Variants in LGR4 observed in about 807,000 individuals in gnomAD.
The protein encoded by LGR4 is leucine-rich repeat-containing G protein-coupled receptor 4.
Under a neutral mutation model 84.8 loss-of-function variants are expected in LGR4, and 44 were observed. That is an observed-to-expected ratio of 0.52 (90% CI 0.41 to 0.67). The LOEUF (loss-of-function observed/expected upper bound fraction) is 0.67. Ranked by LOEUF, LGR4 falls within the 30% of genes least tolerant of loss-of-function variation. LGR4 has a pLI of 0.00. For missense variants in LGR4, 1,032 were observed against 1,131.4 expected, an observed-to-expected ratio of 0.91 and a Z score of 1.26; for synonymous variants, 429 against 434.3, an observed-to-expected ratio of 0.99 and a Z score of 0.15.
At position 27,472,085 on chromosome 11, in the gene LGR4, C is replaced by A. The variant is rs1344686303; in HGVS notation, c.185+33G>T. ...GCCCCCCGCTGGGCCCCGTTTCCTCCCCCCCCCTCGCGTCCCCGCCGCCCG... is the reference window on the plus strand; with the variant it reads ...GCCCCCCGCTGGGCCCCGTTTCCTCACCCCCCCTCGCGTCCCCGCCGCCCG... On this transcript the variant is annotated intron_variant, in intron 1 of 17. Transcript: ENST00000379214. 333 of 1,101,854 alleles carry A rather than the reference C, an allele frequency of 3.0e-4. 8 individuals carry two copies. The highest frequency in any genetic ancestry group is 2.2e-3 in the Admixed American group (26 of 12,062). The allele number at this position is 1,101,854 out of a possible 1,614,324, so 68.3% of individuals were successfully genotyped here.
chr11:27,448,476 G>A (rs747386186), intron 1 of LGR4, among the ~76,000 whole-genome samples: 1 of 151,916 alleles, frequency 6.6e-6, no homozygotes, highest in Non-Finnish European at 1.5e-5. Context: ...ATTTTTAGTA[G>A]ACATGGGGTT....
chr11:27,376,872 G>A (rs1161141694), intron 12 of LGR4, among the ~76,000 whole-genome samples: 1 of 152,120 alleles, frequency 6.6e-6, no homozygotes, highest in Non-Finnish European at 1.5e-5. Flanking sequence ...ATTCATGTCT[G>A]GTTTCCCTCA....
At chr11:27,379,149 C>T (rs1199558377) in intron 10 of LGR4, 1 of 201,910 alleles carries the variant, frequency 5.0e-6, no homozygotes, top group Non-Finnish European at 9.8e-6. Flanking sequence ...TCTTTTCTTT[C>T]AGTCAAACTG....
intron 1 of LGR4, among the ~76,000 whole-genome samples, chr11:27,462,112 C>T (rs1451659828): frequency 1.3e-5 from 2 of 151,992 alleles, no homozygotes; most frequent in African/African-American, 2.4e-5. Flanking sequence ...GGATTACAAG[C>T]GTGAGCCACA....
chr11:27,368,755 G>A lies in LGR4; in HGVS notation c.1968C>T (p.Ser656=), dbSNP rs775999551. Residue 656 remains serine (S), a synonymous_variant, in exon 18 of 18, where the codon AGC becomes AGT. Coordinates refer to ENST00000379214, the MANE Select transcript of LGR4 (RefSeq NM_018490.5). ...CAACCCGGAACTGTTTGAGATGATT[G>A]CTCTTCCCATTTTTCATTATATCTT... ...SAKDIMKNGK[S]NHLKQFRVAA... 2.5e-6 allele frequency: 4 copies of A among 1,613,946 alleles called. No individual in the cohort carries two copies. Among genetic ancestry groups the A allele is most frequent in the Non-Finnish European group, 3.4e-6 (4 of 1,179,954 alleles).
intron 13 of LGR4, among the ~76,000 whole-genome samples, chr11:27,375,510 G>A (rs1862960328): frequency 6.6e-6 from 1 of 152,070 alleles, no homozygotes; most frequent in Admixed American, 6.6e-5. Context: ...AACTCTATTT[G>A]TCATGATAGA....
At chr11:27,395,442 G>A (rs906908168) in intron 2 of LGR4, among the ~76,000 whole-genome samples, 4 of 152,100 alleles carry the variant, frequency 2.6e-5, no homozygotes, top group Non-Finnish European at 4.4e-5. Context: ...AAGAGTGTTT[G>A]ACCACATTAG....
chr11:27,369,225 A>G, intron 17 of LGR4, 82 bp from the exon 18 acceptor site: 1 of 1,078,886 alleles, frequency 9.3e-7, no homozygotes, highest in Non-Finnish European at 1.3e-6. Flanking sequence ...TGATAGAAAA[A>G]CTAATGATAT....
chr11:27,384,880 C>T (rs1401764597), intron 5 of LGR4, among the ~76,000 whole-genome samples: 4 of 152,134 alleles, frequency 2.6e-5, no homozygotes, highest in Admixed American at 1.3e-4. Context: ...ATCACATACT[C>T]TCTGAACAAG....
intron 15 of LGR4, chr11:27,373,211 A>G (rs1450175729): frequency 1.2e-5 from 2 of 164,286 alleles, no homozygotes; most frequent in Admixed American, 1.3e-4. Flanking sequence ...ATAACTCTAA[A>G]ACCTTCATGA....
chr11:27,468,596 G>GA (rs1864819777), intron 1 of LGR4, among the ~76,000 whole-genome samples: 1 of 151,956 alleles, frequency 6.6e-6, no homozygotes, highest in South Asian at 2.1e-4. Flanking sequence ...TCCTAAAATG[G>GA]TGTAAAAAAT....
chr11:27,414,819 A>C (rs1863782521), intron 1 of LGR4, among the ~76,000 whole-genome samples: 1 of 152,138 alleles, frequency 6.6e-6, no homozygotes, highest in Non-Finnish European at 1.5e-5. Context: ...GTGGGCCTCC[A>C]TCTGCTCATC....
At chr11:27,469,516 A>C (rs1590419338) in intron 1 of LGR4, among the ~76,000 whole-genome samples, 1 of 152,156 alleles carries the variant, frequency 6.6e-6, no homozygotes, top group African/African-American at 2.4e-5. Context: ...AGTAAAATAA[A>C]ATCACTGCCC....
chr11:27,468,117 A>G (rs1016067516), intron 1 of LGR4, among the ~76,000 whole-genome samples: 1 of 152,206 alleles, frequency 6.6e-6, no homozygotes, highest in Admixed American at 6.5e-5. Context: ...TGGGGGAAAA[A>G]AAATACACCT....
At chr11:27,443,436 T>C (rs1837039002) in intron 1 of LGR4, among the ~76,000 whole-genome samples, 1 of 152,202 alleles carries the variant, frequency 6.6e-6, no homozygotes, top group South Asian at 2.1e-4. Flanking sequence ...TCAAAACAGC[T>C]TCAGCAAGAC....
intron 1 of LGR4, among the ~76,000 whole-genome samples, chr11:27,442,035 A>G (rs1448467249): frequency 6.6e-6 from 1 of 152,200 alleles, no homozygotes; most frequent in African/African-American, 2.4e-5. Flanking sequence ...GAGCGGTGAG[A>G]ATCAATCCTA....
Position 27,472,298 on chromosome 11 carries a change from G to T in LGR4, c.5C>A (p.Pro2Gln). ...GAAGCAGAGCAGCCCTAGCGGGCCC[G>T]GCATTGCTGCGGCCGCCTCCCGCGC... M[P>Q]GPLGLLCFLA... The change falls in exon 1 of 18, where the codon CCG becomes CAG. Residue 2 changes from proline (P) to glutamine (Q), a missense_variant. Pro to Gln is a moderately conservative substitution (Grantham distance 76, BLOSUM62 -1). Transcript: ENST00000379214. 1 of 1,203,930 alleles carries T rather than the reference G, an allele frequency of 8.3e-7. No individual in the cohort carries two copies. The highest frequency in any genetic ancestry group is 1.0e-6 in the Non-Finnish European group (1 of 970,618). 74.6% of individuals were successfully genotyped at this position (1,203,930 alleles called of 1,614,324 possible). A position where few individuals can be genotyped will look rare whatever the true frequency, so the allele number is the denominator to read the frequency against.
chr11:27,369,270 C>T (rs1281427571), intron 17 of LGR4, 127 bp from the exon 18 acceptor site: 1 of 668,676 alleles, frequency 1.5e-6, no homozygotes, highest in Admixed American at 3.6e-5. Flanking sequence ...TTGAACAAAA[C>T]TGAACTGATT....
rs1864879351 is a variant in LGR4, at chr11:27,471,868, G to T, written c.185+250C>A. 1.2e-5 allele frequency: 4 copies of T among 320,234 alleles called. No homozygotes were observed. The East Asian group carries it at 2.0e-4, about 16-fold the overall frequency. 19.8% of individuals were successfully genotyped at this position (320,234 alleles called of 1,614,324 possible). ...GGTGTGCGCGGTGGGGTGGGAGGGT[G>T]CTTGTGCCCAAAAAGTCTGGGAACG... On this transcript the variant is annotated intron_variant, in intron 1 of 17. Transcript: ENST00000379214.
Sources: gnomAD v4.1 joint callset for allele counts (sites outside exome capture counted in the v4.1 genomes callset) on GRCh38, gnomAD v4.1.1 for gene constraint, MANE v1.5 for transcripts, NCBI Gene and HGNC (gene_info 2026-07-23, HGNC 2026-07-21) for gene names.